The following NCAM2 variants were observed in gnomAD, a reference collection of about 807,000 sequenced individuals.
NCAM2 encodes N-CAM-2.
NCAM2 carries 30 observed loss-of-function variants against 98.1 expected under a neutral mutation model. That is an observed-to-expected ratio of 0.31 (90% CI 0.23 to 0.41). NCAM2 has a LOEUF of 0.41. Ranked by LOEUF, NCAM2 falls within the 10% of genes least tolerant of loss-of-function variation. NCAM2 has a pLI of 1.00. For synonymous variants in NCAM2, 368 were observed against 342.4 expected, an observed-to-expected ratio of 1.07 and a Z score of -0.83; for missense variants, 867 against 1,005.8, an observed-to-expected ratio of 0.86 and a Z score of 1.87.
At chr21:21,209,756 C>A (rs2069577061) in intron 1 of NCAM2, among the ~76,000 whole-genome samples, 1 of 152,132 alleles carries the variant, frequency 6.6e-6, no homozygotes, top group Non-Finnish European at 1.5e-5. Context: ...ATGGAATATA[C>A]AATGGCTGAG....
At chr21:21,038,217 A>G (rs530804973) in intron 1 of NCAM2, among the ~76,000 whole-genome samples, 2 of 152,362 alleles carry the variant, frequency 1.3e-5, no homozygotes, top group East Asian at 3.9e-4. Flanking sequence ...ATTTCCACAT[A>G]AGAATGATAC....
chr21:21,292,486 G>C (rs1300641599), intron 5 of NCAM2, among the ~76,000 whole-genome samples: 1 of 151,710 alleles, frequency 6.6e-6, no homozygotes, highest in Non-Finnish European at 1.5e-5. Context: ...GTGAGTAATT[G>C]CCTTTTGCTG....
At chr21:21,514,494 A>C (rs1035286289) in intron 16 of NCAM2, among the ~76,000 whole-genome samples, 2 of 125,696 alleles carry the variant, frequency 1.6e-5, no homozygotes, top group African/African-American at 2.9e-5. Flanking sequence ...AAAAAAAAAA[A>C]AAATGTTTTC....
chr21:21,424,968 G>A (rs1052111905), intron 11 of NCAM2, among the ~76,000 whole-genome samples: 10 of 145,248 alleles, frequency 6.9e-5, no homozygotes, highest in African/African-American at 1.0e-4. Flanking sequence ...TCCAGGAGGC[G>A]GAAGTTGCAG....
At chr21:21,489,107 C>T (rs1039097143) in intron 15 of NCAM2, among the ~76,000 whole-genome samples, 1 of 152,084 alleles carries the variant, frequency 6.6e-6, no homozygotes, top group African/African-American at 2.4e-5. Context: ...ACTCATGCCT[C>T]GGCCTGCCTA....
chr21:21,467,983 G>A (rs1430954782), intron 13 of NCAM2, among the ~76,000 whole-genome samples: 1 of 151,970 alleles, frequency 6.6e-6, no homozygotes, highest in Non-Finnish European at 1.5e-5. Context: ...GTTTTTCTTG[G>A]CCCTTCACAT....
At chr21:21,486,513 G>A (rs1255090145) in intron 15 of NCAM2, among the ~76,000 whole-genome samples, 1 of 151,920 alleles carries the variant, frequency 6.6e-6, no homozygotes, top group Non-Finnish European at 1.5e-5. Context: ...GTTTATATTG[G>A]TTACTAATTT....
At chr21:21,168,930 A>G (rs2068038026) in intron 1 of NCAM2, among the ~76,000 whole-genome samples, 1 of 152,172 alleles carries the variant, frequency 6.6e-6, no homozygotes, top group Non-Finnish European at 1.5e-5. Flanking sequence ...TGTAGCTATC[A>G]AGAAATGGAT....
At chr21:21,011,208 T>C (rs963938131) in intron 1 of NCAM2, among the ~76,000 whole-genome samples, 1 of 151,978 alleles carries the variant, frequency 6.6e-6, no homozygotes, top group African/African-American at 2.4e-5. Flanking sequence ...TCAAAGCATG[T>C]AGGACATCTG....
intron 5 of NCAM2, among the ~76,000 whole-genome samples, chr21:21,296,868 A>G (rs2073503113): frequency 6.6e-6 from 1 of 151,700 alleles, no homozygotes; most frequent in African/African-American, 2.4e-5. Flanking sequence ...AGCAAAAATG[A>G]CCAATACAGT....
chr21:21,234,087 G>T (rs2070729752), intron 1 of NCAM2, among the ~76,000 whole-genome samples: 1 of 151,782 alleles, frequency 6.6e-6, no homozygotes, highest in Non-Finnish European at 1.5e-5. Context: ...TACTCACAGA[G>T]ATTTTACTAG....
At chr21:21,289,328 G>T (rs767447959) in intron 4 of NCAM2, among the ~76,000 whole-genome samples, 1 of 151,872 alleles carries the variant, frequency 6.6e-6, no homozygotes, top group Non-Finnish European at 1.5e-5. Context: ...TAAGAATCTA[G>T]AGGGAAAGAT....
chr21:21,203,574 G>GT (rs2069316855), intron 1 of NCAM2, among the ~76,000 whole-genome samples: 1 of 152,104 alleles, frequency 6.6e-6, no homozygotes, highest in African/African-American at 2.4e-5. Context: ...TACAAATTTT[G>GT]TATCATTCAT....
chr21:21,018,854 T>G (rs987541139), intron 1 of NCAM2, among the ~76,000 whole-genome samples: 17 of 147,430 alleles, frequency 1.2e-4, no homozygotes, highest in African/African-American at 4.2e-4. Context: ...TAGAGAGCTT[T>G]CCTTTTTCTA....
chr21:21,483,955 G>T (rs865815947), intron 15 of NCAM2, among the ~76,000 whole-genome samples: 2 of 152,150 alleles, frequency 1.3e-5, no homozygotes, highest in South Asian at 2.1e-4. Context: ...TATTAAAATA[G>T]AATGGCTTTT....
intron 12 of NCAM2, among the ~76,000 whole-genome samples, chr21:21,447,796 C>T (rs972675131): frequency 6.6e-6 from 1 of 152,134 alleles, no homozygotes; most frequent in Non-Finnish European, 1.5e-5. Flanking sequence ...CGAATAAAAG[C>T]TTAACATCAC....
intron 1 of NCAM2, among the ~76,000 whole-genome samples, chr21:21,236,419 A>G (rs2070826080): frequency 6.6e-6 from 1 of 151,992 alleles, no homozygotes; most frequent in Non-Finnish European, 1.5e-5. Context: ...GGTTGTTTTA[A>G]CTGTTTTATA....
chr21:21,227,162 AAAT>A (rs1380294227), intron 1 of NCAM2, among the ~76,000 whole-genome samples: 3 of 151,858 alleles, frequency 2.0e-5, no homozygotes, highest in African/African-American at 7.2e-5. Flanking sequence ...TATAGTGAAA[AAAT>A]AATAAGTAAA....
At chr21:21,385,369 TAAAC>T (rs1255746248) in intron 9 of NCAM2, among the ~76,000 whole-genome samples, 1 of 68,202 alleles carries the variant, frequency 1.5e-5, no homozygotes, top group Non-Finnish European at 3.1e-5. Flanking sequence ...TACACAATGT[TAAAC>T]ACACACACAC....
Sources: allele counts gnomAD v4.1 joint callset (sites outside exome capture counted in the v4.1 genomes callset), GRCh38; gene constraint gnomAD v4.1.1; transcripts MANE v1.5; gene names NCBI Gene and HGNC (gene_info 2026-07-23, HGNC 2026-07-21).